Variants in SPINK5 observed in about 807,000 individuals in gnomAD.
SPINK5 encodes serine peptidase inhibitor Kazal type 5.
SPINK5 carries 125 observed loss-of-function variants against 151.8 expected under a neutral mutation model. That is an observed-to-expected ratio of 0.82 (90% CI 0.71 to 0.96). SPINK5 has a LOEUF of 0.96. SPINK5 is among the 40% of genes least tolerant of loss of function. SPINK5 has a pLI of 0.00. For synonymous variants in SPINK5, 374 were observed against 395.3 expected (o/e 0.95, Z 0.64); for missense variants, 1,194 against 1,291.9 (o/e 0.92, Z 1.16).
At chr5:148,131,234 T>A in intron 30 of SPINK5, 25 bp from the exon 31 acceptor site, 1 of 1,613,260 alleles carries the variant, frequency 6.2e-7, no homozygotes, top group African/African-American at 1.3e-5. Context: ...ATAAAGTACG[T>A]CTGCTTTATT....
Position 148,133,817 on chromosome 5 carries a change from A to G in SPINK5, c.3116A>G (p.His1039Arg). 6.2e-7 allele frequency: 1 copy of G among 1,613,996 alleles called. No homozygotes were observed. Among genetic ancestry groups the G allele is most frequent in the Non-Finnish European group, 8.5e-7 (1 of 1,179,954 alleles). Reference sequence around the variant, plus strand: ...TTTAGGATACGCCAAACAAATACACACATCCGCAGTACAGGGAAGTGTGAG... The same window carrying G: ...TTTAGGATACGCCAAACAAATACACGCATCCGCAGTACAGGGAAGTGTGAG... ...HENLIRQTNT[H>R]IRSTGKCEES... is the part of the protein sequence containing the mutation. The change falls in exon 32 of 33, where the codon CAC becomes CGC. Residue 1039 changes from histidine to arginine, a missense_variant. Physicochemically the swap from His to Arg is conservative, Grantham distance 29. Transcript: ENST00000256084.
At chr5:148,110,679 C>T (rs1414848889) in intron 18 of SPINK5, among the ~76,000 whole-genome samples, 1 of 152,046 alleles carries the variant, frequency 6.6e-6, no homozygotes, top group Non-Finnish European at 1.5e-5. Context: ...TCAACTCCCA[C>T]TTATGAGAAC....
At chr5:148,117,025 C>T (rs1360981087) in intron 22 of SPINK5, among the ~76,000 whole-genome samples, 3 of 152,288 alleles carry the variant, frequency 2.0e-5, no homozygotes, top group Non-Finnish European at 4.4e-5. Flanking sequence ...TAGCATGTTT[C>T]TTGAGGCATT....
At chr5:148,082,609 T>A (rs1244220412) in intron 4 of SPINK5, among the ~76,000 whole-genome samples, 15 of 11,920 alleles carry the variant, frequency 1.3e-3, no homozygotes, top group South Asian at 0.014. Flanking sequence ...TTCTTTTTTT[T>A]TTTTTTTTTT....
chr5:148,131,265 G>A lies in SPINK5; in HGVS notation c.2971G>A (p.Glu991Lys). Reference sequence around the variant, plus strand: ...TTATTTTTTGCTTCTTCAGGATTCTGAGATGTGCAAAGACTACCGAGTATT... The same window carrying A: ...TTATTTTTTGCTTCTTCAGGATTCTAAGATGTGCAAAGACTACCGAGTATT... ...SPDSFSSLDS[E>K]MCKDYRVLPR... Residue 991 changes from glutamate to lysine, a missense_variant, in exon 31 of 33, where the codon GAG (glutamate) becomes AAG (lysine). Transcript: ENST00000256084. 6.2e-7 allele frequency: 1 copy of A among 1,613,736 alleles called. No homozygotes were observed. The highest frequency in any genetic ancestry group is 1.7e-5 in the Admixed American group (1 of 60,014).
chr5:148,110,139 C>T (rs1332597629), intron 18 of SPINK5, among the ~76,000 whole-genome samples: 1 of 152,190 alleles, frequency 6.6e-6, no homozygotes, highest in Non-Finnish European at 1.5e-5. Flanking sequence ...AGCTTTCTCA[C>T]TTATAAGATA....
chr5:148,133,803 C>T lies in SPINK5; in HGVS notation c.3102C>T (p.Arg1034=), dbSNP rs1561710144. 1.9e-6 allele frequency: 3 copies of T among 1,613,870 alleles called. No homozygotes were observed. The South Asian group carries it at 3.3e-5, about 18-fold the overall frequency. Residue 1034 remains arginine, a synonymous_variant, in exon 32 of 33, where the codon CGC becomes CGT. Coordinates refer to ENST00000256084, the MANE Select transcript of SPINK5 (RefSeq NM_006846.4). The part of the protein sequence containing the change: ...PCMLCHENLI[R]QTNTHIRSTG... ...ATCCTCTGATCTGTTTTAGGATACG[C>T]CAAACAAATACACACATCCGCAGTA...
intron 19 of SPINK5, among the ~76,000 whole-genome samples, chr5:148,112,215 G>A (rs1409857315): frequency 6.6e-6 from 1 of 152,198 alleles, no homozygotes; most frequent in East Asian, 1.9e-4. Context: ...ATCCAAAGGT[G>A]TAATCATTAG....
chr5:148,119,863 A>C lies in SPINK5; in HGVS notation c.2314-146A>C, dbSNP rs6580523. 0.19 allele frequency: 146,419 copies of C among 788,030 alleles called. 18,405 individuals are homozygous for C. Among genetic ancestry groups the C allele is most frequent in the East Asian group, 0.47 (17,660 of 37,420 alleles). The allele number at this position is 788,030 out of a possible 1,614,324, so 48.8% of individuals were successfully genotyped here. ...GGAGGTTCCAGGAATTAGAACATAGACGTCTCTCTCTGTGGGACATTATTT... is the reference window on the plus strand; with the variant it reads ...GGAGGTTCCAGGAATTAGAACATAGCCGTCTCTCTCTGTGGGACATTATTT... On this transcript the variant is annotated intron_variant, in intron 24 of 32. Coordinates refer to ENST00000256084, the MANE Select transcript of SPINK5 (RefSeq NM_006846.4).
chr5:148,076,799 A>C (rs1215410872), intron 4 of SPINK5, among the ~76,000 whole-genome samples: 2 of 151,696 alleles, frequency 1.3e-5, no homozygotes, highest in Non-Finnish European at 3.0e-5. Flanking sequence ...AAAATTCTGG[A>C]GTTGAAGGGC....
rs1753127792 is a variant in SPINK5 at position 148,085,452 on chromosome 5, TA to T, written c.283-952del. On this transcript the variant is annotated intron_variant, in intron 4 of 32. Coordinates refer to ENST00000256084, the MANE Select transcript of SPINK5 (RefSeq NM_006846.4). ...AGTCAAGTTAACTCTATATCTTTTT[TA>T]GCTAGGTTATGTCACAATAATAAGT... Among the ~76,000 whole-genome samples the T allele has an allele frequency of 2.0e-5, 3 of 151,986 alleles. No individual in the cohort carries two copies. The South Asian group carries it at 6.2e-4, about 31-fold the overall frequency.
At chr5:148,094,606 C>G (rs1372020335) in intron 9 of SPINK5, 125 bp downstream of exon 9, 1 of 1,491,312 alleles carries the variant, frequency 6.7e-7, no homozygotes, top group Non-Finnish European at 9.2e-7. Context: ...CAGTTTTATG[C>G]CCTCCACAAA....
At chr5:148,108,688 TA>T in intron 17 of SPINK5, 64 bp from the exon 18 acceptor site, 1 of 1,583,170 alleles carries the variant, frequency 6.3e-7, no homozygotes, top group Non-Finnish European at 8.6e-7. Context: ...TCATTCCTTT[TA>T]AAAATGTACT....
intron 15 of SPINK5, among the ~76,000 whole-genome samples, chr5:148,102,255 T>G (rs768600498): frequency 3.7e-4 from 56 of 152,074 alleles, no homozygotes; most frequent in Admixed American, 1.8e-3. Context: ...GAGGAAATGT[T>G]AATCAAAGGG....
In SPINK5 at chr5:148,095,893, A is replaced by G. The variant is rs1279126901; in HGVS notation, c.870A>G (p.Lys290=). The change falls in exon 10 of 33, where the codon AAA becomes AAG. Residue 290 remains lysine, a synonymous_variant. Coordinates refer to ENST00000256084, the MANE Select transcript of SPINK5 (RefSeq NM_006846.4). ...LGKAEEKTKV[K]REIVKLCSQY... ...AAGCTGAAGAAAAAACTAAAGTTAAAAGAGAAATTGTGGTGAGAATCAGTT... is the reference window on the plus strand; with the variant it reads ...AAGCTGAAGAAAAAACTAAAGTTAAGAGAGAAATTGTGGTGAGAATCAGTT... 6.2e-7 allele frequency: 1 copy of G among 1,611,604 alleles called. No homozygotes were observed. The highest frequency in any genetic ancestry group is 8.5e-7 in the Non-Finnish European group (1 of 1,178,356).
At chr5:148,088,030 C>T (rs548451813) in intron 5 of SPINK5, among the ~76,000 whole-genome samples, 6 of 151,524 alleles carry the variant, frequency 4.0e-5, no homozygotes, top group Admixed American at 6.6e-5. Flanking sequence ...CTTACATTTG[C>T]GGTTCTGTGT....
At chr5:148,064,244 G>T in intron 1 of SPINK5, 145 bp downstream of exon 1, 1 of 838,542 alleles carries the variant, frequency 1.2e-6, no homozygotes, top group Admixed American at 1.8e-5. Context: ...GAGTTCTGAA[G>T]ATTTATATAT....
At chr5:148,073,066 C>G (rs1228357856) in intron 4 of SPINK5, among the ~76,000 whole-genome samples, 2 of 151,512 alleles carry the variant, frequency 1.3e-5, no homozygotes, top group East Asian at 3.9e-4. Context: ...ATATATCTAG[C>G]CTACAATATC....
chr5:148,125,687 C>A (rs374053734), intron 28 of SPINK5, 36 bp from the exon 29 acceptor site: 43 of 1,614,056 alleles, frequency 2.7e-5, no homozygotes, highest in African/African-American at 2.1e-4. Context: ...CAAAAAGGGA[C>A]AAAGCCATGT....
Sources: allele counts gnomAD v4.1 joint callset (sites outside exome capture counted in the v4.1 genomes callset), GRCh38; gene constraint gnomAD v4.1.1; transcripts MANE v1.5; gene names NCBI Gene and HGNC (gene_info 2026-07-23, HGNC 2026-07-21).